ULK2: variants seen among roughly 807,000 people sequenced by gnomAD.
ULK2 encodes the protein serine/threonine-protein kinase ULK2.
ULK2 carries 76 observed loss-of-function variants against 127.5 expected under a neutral mutation model. That is an observed-to-expected ratio of 0.60 (90% CI 0.50 to 0.72). The LOEUF (loss-of-function observed/expected upper bound fraction) is 0.72, where lower values mean the gene tolerates loss of function less well. Among genes scored for constraint, ULK2 ranks in the 30% least tolerant of loss-of-function variants. ULK2 has a pLI of 0.00. For synonymous variants in ULK2, 452 were observed against 461.9 expected (o/e 0.98, Z 0.28); for missense variants, 1,144 against 1,295.9 (o/e 0.88, Z 1.80).
chr17:19,805,604 T>C (rs1365916569), intron 14 of ULK2, among the ~76,000 whole-genome samples: 3 of 152,224 alleles, frequency 2.0e-5, no homozygotes, highest in Admixed American at 6.5e-5. Flanking sequence ...TTAGTGGCAA[T>C]AATATGCCCA....
At chr17:19,820,051 TTA>T (rs200701119) in intron 12 of ULK2, among the ~76,000 whole-genome samples, 4,725 of 30,662 alleles carry the variant, frequency 0.15, 259 homozygotes, top group African/African-American at 0.24. Context: ...GCAACTTTAT[TTA>T]TTTTTTTTTT....
intron 10 of ULK2, among the ~76,000 whole-genome samples, chr17:19,828,428 G>A (rs2041348842): frequency 6.6e-6 from 1 of 152,144 alleles, no homozygotes; most frequent in Non-Finnish European, 1.5e-5. Context: ...AAAGACAAAT[G>A]CATTAAAATT....
chr17:19,843,065 C>G (rs2041802774), intron 8 of ULK2, 56 bp downstream of exon 8: 2 of 1,332,502 alleles, frequency 1.5e-6, no homozygotes, highest in African/African-American at 1.5e-5. Flanking sequence ...AAATCAAACG[C>G]AACTATAAAA....
intron 3 of ULK2, among the ~76,000 whole-genome samples, chr17:19,852,982 G>A (rs531725588): frequency 6.6e-6 from 1 of 152,036 alleles, no homozygotes; most frequent in South Asian, 2.1e-4. Context: ...ATGAGTAGGT[G>A]GTTCTCTCCA....
intron 3 of ULK2, among the ~76,000 whole-genome samples, chr17:19,854,791 G>A (rs1478589780): frequency 6.6e-6 from 1 of 152,036 alleles, no homozygotes. Context: ...ATTCTACCAT[G>A]TAGGAACTTC....
At chr17:19,813,235 T>A (rs2040888068) in intron 13 of ULK2, among the ~76,000 whole-genome samples, 1 of 152,154 alleles carries the variant, frequency 6.6e-6, no homozygotes, top group Admixed American at 6.6e-5. Flanking sequence ...TTGCTTGCTG[T>A]CAATGAGACA....
intron 3 of ULK2, among the ~76,000 whole-genome samples, chr17:19,850,686 G>A (rs984193544): frequency 4.6e-5 from 7 of 151,748 alleles, no homozygotes; most frequent in African/African-American, 1.2e-4. Context: ...TTAGCCGGGC[G>A]TGGTGGCGGG....
intron 3 of ULK2, among the ~76,000 whole-genome samples, chr17:19,850,227 G>A (rs948541185): frequency 2.6e-5 from 4 of 152,170 alleles, no homozygotes; most frequent in Admixed American, 6.6e-5. Flanking sequence ...TGGAATATAT[G>A]ACTCAGGACG....
chr17:19,800,785 G>A (rs972434466), intron 16 of ULK2, among the ~76,000 whole-genome samples: 2 of 152,034 alleles, frequency 1.3e-5, no homozygotes, highest in Non-Finnish European at 2.9e-5. Context: ...GCCACCCCCA[G>A]GCCCTGCGTG....
At chr17:19,847,687 C>CT in intron 5 of ULK2, among the ~76,000 whole-genome samples, 1 of 152,246 alleles carries the variant, frequency 6.6e-6, no homozygotes, top group South Asian at 2.1e-4. Flanking sequence ...GTAGCTGGGA[C>CT]TACAGGCATG....
intron 3 of ULK2, among the ~76,000 whole-genome samples, chr17:19,850,866 G>T (rs2041998953): frequency 6.6e-6 from 1 of 151,868 alleles, no homozygotes; most frequent in African/African-American, 2.4e-5. Context: ...GATCGATCTA[G>T]ACCTATCTAT....
Position 19,796,223 on chromosome 17 carries a change from A to T in ULK2, c.1869T>A (p.Val623=), listed in dbSNP as rs2087267981. 1 of 1,614,048 alleles carries T rather than the reference A, an allele frequency of 6.2e-7. No individual in the cohort carries two copies. The highest frequency in any genetic ancestry group is 1.3e-5 in the African/African-American group (1 of 74,910). The change falls in exon 19 of 27, where the codon GTT becomes GTA. Residue 623 remains valine (V), a synonymous_variant. Coordinates refer to ENST00000395544, the MANE Select transcript of ULK2 (RefSeq NM_014683.4). Reference sequence around the variant, plus strand: ...GTTCTTCAGCAGGCCCATGACGAGTAACCAAGGCTAACAGGTTGGAAGATG... The same window carrying T: ...GTTCTTCAGCAGGCCCATGACGAGTTACCAAGGCTAACAGGTTGGAAGATG... ...TQASSNLLAL[V]TRHGPAEEQS...
chr17:19,785,568 T>C (rs2087011024), intron 21 of ULK2, among the ~76,000 whole-genome samples: 1 of 152,042 alleles, frequency 6.6e-6, no homozygotes, highest in Admixed American at 6.6e-5. Context: ...ACCTATAATT[T>C]TCAAATAATT....
At chr17:19,844,199 G>T (rs281353) in intron 7 of ULK2, among the ~76,000 whole-genome samples, 16,045 of 152,140 alleles carry the variant, frequency 0.11, 1,567 homozygotes, top group East Asian at 0.39. Context: ...CTCATCAAAT[G>T]TTGCATTTTA....
At chr17:19,779,317 G>A (rs1333492308) in intron 25 of ULK2, among the ~76,000 whole-genome samples, 1 of 151,904 alleles carries the variant, frequency 6.6e-6, no homozygotes, top group African/African-American at 2.4e-5. Context: ...GATCACCTGA[G>A]GTCAAGAGTT....
At chr17:19,835,988 C>T (rs919927055) in intron 10 of ULK2, among the ~76,000 whole-genome samples, 5 of 151,646 alleles carry the variant, frequency 3.3e-5, no homozygotes, top group Admixed American at 2.0e-4. Flanking sequence ...CCGACTGGGC[C>T]GCGCCCGGTG....
chr17:19,796,221 G>A lies in ULK2; in HGVS notation c.1871C>T (p.Thr624Ile), dbSNP rs540375279. 8.7e-6 allele frequency: 14 copies of A among 1,614,156 alleles called. No homozygotes were observed. The African/African-American group carries it at 1.9e-4, about 22-fold the overall frequency. The change falls in exon 19 of 27, where the codon ACT (threonine) becomes ATT (isoleucine). Residue 624 changes from threonine (T) to isoleucine (I), a missense_variant. Coordinates refer to ENST00000395544, the MANE Select transcript of ULK2 (RefSeq NM_014683.4). ...CTGTTCTTCAGCAGGCCCATGACGAGTAACCAAGGCTAACAGGTTGGAAGA... is the reference window on the plus strand; with the variant it reads ...CTGTTCTTCAGCAGGCCCATGACGAATAACCAAGGCTAACAGGTTGGAAGA... ...QASSNLLALVTRHGPAEEQSK... is the reference protein window; with the variant it reads ...QASSNLLALVIRHGPAEEQSK...
At chr17:19,783,325 C>T (rs563238684) in intron 22 of ULK2, among the ~76,000 whole-genome samples, 2 of 152,114 alleles carry the variant, frequency 1.3e-5, no homozygotes, top group African/African-American at 2.4e-5. Flanking sequence ...GTGGCGTGTG[C>T]CTGTAATCCC....
intron 15 of ULK2, among the ~76,000 whole-genome samples, chr17:19,803,636 T>C (rs1207793811): frequency 6.6e-6 from 1 of 152,242 alleles, no homozygotes; most frequent in Non-Finnish European, 1.5e-5. Context: ...CTTGGAAATC[T>C]TTCTATCTTG....
Sources: allele counts gnomAD v4.1 joint callset (sites outside exome capture counted in the v4.1 genomes callset), GRCh38; gene constraint gnomAD v4.1.1; transcripts MANE v1.5; gene names NCBI Gene and HGNC (gene_info 2026-07-23, HGNC 2026-07-21).